GALNT18: variants seen among roughly 807,000 people sequenced by gnomAD.
The protein encoded by GALNT18 is polypeptide N-acetylgalactosaminyltransferase 18, also known as GalNAc-transferase 18.
In GALNT18, 44 loss-of-function variants were observed where a neutral mutation model predicts 69.5. The observed-to-expected ratio is 0.63, with a 90% CI of 0.50 to 0.81. The LOEUF is 0.81. GALNT18 is among the 40% of genes least tolerant of loss of function. The probability of loss-of-function intolerance (pLI) is 0.00; values close to 1 mark genes in which losing one functional copy is unlikely to be tolerated. For missense variants in GALNT18, 715 were observed against 810.0 expected (o/e 0.88, Z 1.42); for synonymous variants, 364 against 318.2 (o/e 1.14, Z -1.53).
intron 1 of GALNT18, among the ~76,000 whole-genome samples, chr11:11,569,416 T>G (rs1307872602): frequency 1.3e-5 from 2 of 152,164 alleles, no homozygotes; most frequent in African/African-American, 4.8e-5. Flanking sequence ...AGATTCACAC[T>G]TTTAGATCAC....
In GALNT18 at chr11:11,303,632, C is replaced by A. The variant is rs1025075728; in HGVS notation, c.1513-10439G>T. Among the ~76,000 whole-genome samples the A allele has an allele frequency of 8.5e-5, 13 of 152,170 alleles. No individual in the cohort carries two copies. In the South Asian group the frequency reaches 2.7e-3, roughly 32 times the overall value. On this transcript the variant is annotated intron_variant, in intron 9 of 10. Transcript: ENST00000227756. The stretch of plus-strand genomic sequence containing the variant: ...AGTCAGCAGTGGGGCTCATACACAC[C>A]AGACTTGGTGCTCCTGAGCCTTCTG...
chr11:11,552,390 C>A (rs1490914668), intron 1 of GALNT18, among the ~76,000 whole-genome samples: 4 of 152,224 alleles, frequency 2.6e-5, no homozygotes, highest in African/African-American at 4.8e-5. Context: ...ATCTTTGAGC[C>A]TTTACCTTCT....
Position 11,613,398 on chromosome 11 carries a change from G to A in GALNT18, c.235+7961C>T, listed in dbSNP as rs1859960998. Among the ~76,000 whole-genome samples the A allele has an allele frequency of 6.6e-6, 1 of 152,222 alleles. No individual in the cohort carries two copies. ...AAGTACCAAAGCTTATGAATGATTA[G>A]CTTTAACTCTAATAAATTAAAGGGA... On this transcript the variant is annotated intron_variant, in intron 1 of 10. Transcript: ENST00000227756. This position sits in a 1 kb window ranked among gnomAD's most constrained non-coding sequence, Gnocchi z 4.2.
intron 3 of GALNT18, among the ~76,000 whole-genome samples, chr11:11,384,381 A>G (rs996315600): frequency 6.6e-6 from 1 of 152,244 alleles, no homozygotes; most frequent in African/African-American, 2.4e-5. Context: ...AGACGCTAGC[A>G]TTTGGTGTCT....
intron 3 of GALNT18, among the ~76,000 whole-genome samples, chr11:11,416,667 G>A (rs1011221512): frequency 3.3e-5 from 5 of 152,162 alleles, no homozygotes; most frequent in Admixed American, 6.6e-5. Flanking sequence ...CTGACGTGCT[G>A]TGGTTATTTA....
At position 11,438,503 on chromosome 11, in the gene GALNT18, C is replaced by T. The variant is rs866804776; in HGVS notation, c.429-5716G>A. Among the ~76,000 whole-genome samples, 68 of 152,274 alleles carry T rather than the reference C, an allele frequency of 4.5e-4. 1 individual carries two copies. Among genetic ancestry groups the T allele is most frequent in the African/African-American group, 1.3e-3 (54 of 41,544 alleles). On this transcript the variant is annotated intron_variant, in intron 2 of 10. Transcript: ENST00000227756. ...TTTTACTATTTTCCCCATTTTATTCCTTTCTACAATTCCGTACGGTAAACA... is the reference window on the plus strand; with the variant it reads ...TTTTACTATTTTCCCCATTTTATTCTTTTCTACAATTCCGTACGGTAAACA...
At chr11:11,548,438 C>A (rs1355408037) in intron 1 of GALNT18, among the ~76,000 whole-genome samples, 2 of 152,190 alleles carry the variant, frequency 1.3e-5, no homozygotes. Flanking sequence ...ACTGCTCCAT[C>A]CAACACAAAG....
chr11:11,432,790 G>A lies in GALNT18; in HGVS notation c.429-3C>T, dbSNP rs758558332. The A allele has an allele frequency of 1.9e-5, 30 of 1,612,988 alleles. No homozygotes were observed. The highest frequency in any genetic ancestry group is 2.5e-5 in the Non-Finnish European group (30 of 1,179,170). On this transcript the variant is annotated splice_polypyrimidine_tract_variant and splice_region_variant and intron_variant, in intron 2 of 10. Transcript: ENST00000227756. This position sits in a 1 kb window ranked among gnomAD's most constrained non-coding sequence, Gnocchi z 5.8. ...CAGGAAATGAGAGGTTACGGCACCT[G>A]CAAAGAACAGCCAAGCGCTTAGATT... is the stretch of plus-strand genomic sequence containing the variant.
rs1859544426 is a variant in GALNT18, at chr11:11,598,055, C to A, written c.235+23304G>T. 1.3e-5 allele frequency among the ~76,000 whole-genome samples: 2 copies of A among 152,070 alleles called. No homozygotes were observed. The highest frequency in any genetic ancestry group is 1.5e-5 in the Non-Finnish European group (1 of 67,994). ...AGAACCAACTTTTGGTTTTATTGATCTTCTCTATTGGCTTTCTATTCTCCA... is the reference window on the plus strand; with the variant it reads ...AGAACCAACTTTTGGTTTTATTGATATTCTCTATTGGCTTTCTATTCTCCA... On this transcript the variant is annotated intron_variant, in intron 1 of 10. Transcript: ENST00000227756. This position sits in a 1 kb window ranked among gnomAD's most constrained non-coding sequence, Gnocchi z 4.8.
rs1388394076 is a variant in GALNT18 at position 11,497,370 on chromosome 11, A to ACACACACACACACACC, written c.236-48435_236-48434insGGTGTGTGTGTGTGTG. Reference sequence around the variant, plus strand: ...CACACACACACACACACACACACACACCCCTTAGAATGGGGCTCCTTAAGA... The same window carrying ACACACACACACACACC: ...CACACACACACACACACACACACACACACACACACACACACCCCCCTTAGAATGGGGCTCCTTAAGA... On this transcript the variant is annotated intron_variant, in intron 1 of 10. Transcript: ENST00000227756. This position sits in a 1 kb window ranked among gnomAD's most constrained non-coding sequence, Gnocchi z 4.2. Among the ~76,000 whole-genome samples, 493 of 134,676 alleles carry ACACACACACACACACC rather than the reference A, an allele frequency of 3.7e-3. No individual in the cohort carries two copies. The highest frequency in any genetic ancestry group is 5.6e-3 in the Non-Finnish European group (358 of 63,820). 88.4% of individuals were successfully genotyped at this position (134,676 alleles called of 152,430 possible). A position where few individuals can be genotyped will look rare whatever the true frequency, so the allele number is the denominator to read the frequency against.
rs998239033 is a variant in GALNT18, at chr11:11,435,278, C to T, written c.429-2491G>A. Among the ~76,000 whole-genome samples, 4 of 152,136 alleles carry T rather than the reference C, an allele frequency of 2.6e-5. No individual in the cohort carries two copies. The highest frequency in any genetic ancestry group is 4.8e-5 in the African/African-American group (2 of 41,420). On this transcript the variant is annotated intron_variant, in intron 2 of 10. Transcript: ENST00000227756. This position sits in a 1 kb window ranked among gnomAD's most constrained non-coding sequence, Gnocchi z 4.4. ...ACTCTCTTCCCTTCTTACTTCTGAACGTGGTGCCCAGTCTCCCCCTTCTGA... is the reference window on the plus strand; with the variant it reads ...ACTCTCTTCCCTTCTTACTTCTGAATGTGGTGCCCAGTCTCCCCCTTCTGA...
At position 11,601,421 on chromosome 11, in the gene GALNT18, C is replaced by G. The variant is rs1239372477; in HGVS notation, c.235+19938G>C. Among the ~76,000 whole-genome samples the G allele has an allele frequency of 6.6e-6, 1 of 152,106 alleles. No individual in the cohort carries two copies. Among genetic ancestry groups the G allele is most frequent in the Non-Finnish European group, 1.5e-5 (1 of 67,954 alleles). On this transcript the variant is annotated intron_variant, in intron 1 of 10. Transcript: ENST00000227756. This position sits in a 1 kb window ranked among gnomAD's most constrained non-coding sequence, Gnocchi z 4.0. ...GTCCTGATTCTCCCTATCGAACCCC[C>G]TAGGATGACAGTGATTTTAGCAGAG...
At chr11:11,548,510 C>T (rs1444264898) in intron 1 of GALNT18, among the ~76,000 whole-genome samples, 3 of 152,208 alleles carry the variant, frequency 2.0e-5, no homozygotes, top group Non-Finnish European at 4.4e-5. Flanking sequence ...CTCTGCATGG[C>T]CTCCATGTCC....
intron 10 of GALNT18, among the ~76,000 whole-genome samples, chr11:11,291,606 T>C (rs966261315): frequency 9.3e-5 from 14 of 149,942 alleles, no homozygotes; most frequent in African/African-American, 2.8e-4. Flanking sequence ...TTCCCTTTCA[T>C]TGAACCCCCG....
intron 5 of GALNT18, among the ~76,000 whole-genome samples, chr11:11,374,629 C>T (rs890590616): frequency 2.6e-5 from 4 of 152,234 alleles, no homozygotes; most frequent in Non-Finnish European, 2.9e-5. Context: ...GAGATGAGCA[C>T]AGGCCACCTC....
rs774226068 is a variant in GALNT18, at chr11:11,465,142, G to A, written c.236-16206C>T. ...TACAGATCCCACTGGTAACCTGGGC[G>A]AGGTGCCTTGGGATGCCTGAGGAAG... On this transcript the variant is annotated intron_variant, in intron 1 of 10. Coordinates refer to ENST00000227756, the MANE Select transcript of GALNT18 (RefSeq NM_198516.3). This position sits in a 1 kb window ranked among gnomAD's most constrained non-coding sequence, Gnocchi z 5.7. Among the ~76,000 whole-genome samples, 80 of 152,152 alleles carry A rather than the reference G, an allele frequency of 5.3e-4. No homozygotes were observed. The highest frequency in any genetic ancestry group is 9.8e-4 in the Admixed American group (15 of 15,280).
Position 11,602,013 on chromosome 11 carries a change from A to G in GALNT18, c.235+19346T>C, listed in dbSNP as rs1020539151. On this transcript the variant is annotated intron_variant, in intron 1 of 10. Coordinates refer to ENST00000227756, the MANE Select transcript of GALNT18 (RefSeq NM_198516.3). The surrounding 1 kb of genome is among the most constrained non-coding windows in gnomAD (Gnocchi z 4.7). Reference sequence around the variant, plus strand: ...CTAACCTCCTCTTAAATGCTCGGAAATTGCTTTTATGCTTGGACCTCCTCA... The same window carrying G: ...CTAACCTCCTCTTAAATGCTCGGAAGTTGCTTTTATGCTTGGACCTCCTCA... Among the ~76,000 whole-genome samples, 3 of 152,124 alleles carry G rather than the reference A, an allele frequency of 2.0e-5. No individual in the cohort carries two copies. The highest frequency in any genetic ancestry group is 2.9e-5 in the Non-Finnish European group (2 of 68,028).
intron 1 of GALNT18, among the ~76,000 whole-genome samples, chr11:11,529,583 C>T (rs71478972): frequency 0.14 from 21,480 of 151,926 alleles, 1,967 homozygotes; most frequent in Middle Eastern, 0.2. Context: ...GGGGCTTCTC[C>T]GCCTCAATAA....
At chr11:11,334,878 ATATT>A (rs987423163) in intron 7 of GALNT18, among the ~76,000 whole-genome samples, 3 of 152,298 alleles carry the variant, frequency 2.0e-5, no homozygotes, top group South Asian at 2.1e-4. Flanking sequence ...GGTGAAGAAA[ATATT>A]TATGAAGTGG....
Sources: allele counts gnomAD v4.1 joint callset (sites outside exome capture counted in the v4.1 genomes callset), GRCh38; gene constraint gnomAD v4.1.1; non-coding constraint Gnocchi (gnomAD v3.1); transcripts MANE v1.5; gene names NCBI Gene and HGNC (gene_info 2026-07-23, HGNC 2026-07-21).